NBPF9: variants seen among roughly 807,000 people sequenced by gnomAD.
The protein encoded by NBPF9 is NBPF member 9.
Under a neutral mutation model 97.8 loss-of-function variants are expected in NBPF9, and 91 were observed. The ratio of observed to expected loss-of-function variants is 0.93; its 90% CI spans 0.79 to 1.11. The LOEUF is 1.11. Among genes scored for constraint, NBPF9 ranks in the 50% least tolerant of loss-of-function variants. The probability of loss-of-function intolerance (pLI) is 0.00; values close to 1 mark genes in which losing one functional copy is unlikely to be tolerated. For missense variants in NBPF9, 992 were observed against 939.5 expected (o/e 1.06, Z -0.73); for synonymous variants, 334 against 359.5 (o/e 0.93, Z 0.80).
chr1:149,077,435 G>C lies in NBPF9; in HGVS notation c.567-16C>G. On this transcript the variant is annotated splice_polypyrimidine_tract_variant and intron_variant, in intron 10 of 29. Coordinates refer to ENST00000584027, the Ensembl canonical transcript of NBPF9. ...CTGCACCTCCCTGATGAGCCAGGTGGGACAGAGATGACAGAAGATTAAACA... is the reference window on the plus strand; with the variant it reads ...CTGCACCTCCCTGATGAGCCAGGTGCGACAGAGATGACAGAAGATTAAACA... 6.2e-7 allele frequency: 1 copy of C among 1,607,446 alleles called. No individual in the cohort carries two copies. Among genetic ancestry groups the C allele is most frequent in the East Asian group, 2.2e-5 (1 of 44,858 alleles).
At position 149,055,908 on chromosome 1, in the gene NBPF9, G is replaced by T. The variant is rs74899532; in HGVS notation, c.3093-9C>A. On this transcript the variant is annotated splice_polypyrimidine_tract_variant and intron_variant, in intron 29 of 29. Coordinates refer to ENST00000584027, the Ensembl canonical transcript of NBPF9. Reference sequence around the variant, plus strand: ...TCAGCACGCCGTTGAGCCTGGAAAAGGAGACAAAACTAAAGAAGCAGCCAG... The same window carrying T: ...TCAGCACGCCGTTGAGCCTGGAAAATGAGACAAAACTAAAGAAGCAGCCAG... 11 of 1,611,540 alleles carry T rather than the reference G, an allele frequency of 6.8e-6. No homozygotes were observed. The highest frequency in any genetic ancestry group is 2.2e-5 in the South Asian group (2 of 90,932).
chr1:149,100,816 T>C (rs868953576), intron 3 of NBPF9, among the ~76,000 whole-genome samples: 2 of 151,464 alleles, frequency 1.3e-5, no homozygotes, highest in East Asian at 2.0e-4. Flanking sequence ...ACTCCTATAG[T>C]CGCAGCTACT....
chr1:149,071,995 G>A (rs1354209347), intron 14 of NBPF9, among the ~76,000 whole-genome samples: 4 of 147,122 alleles, frequency 2.7e-5, no homozygotes, highest in African/African-American at 1.0e-4. Flanking sequence ...TGATTCCCAG[G>A]CACAGGCTTG....
chr1:149,053,562 T>C (rs1280682593), downstream of NBPF9, among the ~76,000 whole-genome samples: 53 of 147,154 alleles, frequency 3.6e-4, no homozygotes, highest in African/African-American at 1.3e-3. Context: ...CACTTTTGAA[T>C]AGCTCATGAG....
At chr1:149,099,919 C>T (rs1369678603) in intron 3 of NBPF9, among the ~76,000 whole-genome samples, 7 of 148,962 alleles carry the variant, frequency 4.7e-5, no homozygotes, top group African/African-American at 7.3e-5. Context: ...GAGGTCAAGG[C>T]TGCAGAGACC....
intron 19 of NBPF9, among the ~76,000 whole-genome samples, 188 bp from the exon 20 acceptor site, chr1:149,063,993 G>C (rs1278027844): frequency 1.9e-5 from 2 of 107,040 alleles, no homozygotes; most frequent in Non-Finnish European, 3.8e-5. Flanking sequence ...GAAAGAGAAA[G>C]ACACACACAC....
At chr1:149,075,862 G>A (rs2079822194) in exon 12 of NBPF9, 2 of 1,165,604 alleles carry the variant, frequency 1.7e-6, no homozygotes, top group Non-Finnish European at 2.6e-6. Context: ...GTGGGGCCAG[G>A]GACTGGGGAG....
chr1:149,061,301 C>G (rs1177087544), intron 23 of NBPF9, 31 bp downstream of exon 23: 1 of 404,582 alleles, frequency 2.5e-6, no homozygotes, highest in Admixed American at 3.8e-5. Context: ...GATGTCAACA[C>G]AGAAGTAGCT....
At chr1:149,076,505 ATTT>A (rs587753430) in intron 11 of NBPF9, among the ~76,000 whole-genome samples, 3 of 122,934 alleles carry the variant, frequency 2.4e-5, no homozygotes, top group Admixed American at 1.6e-4. Context: ...CAGAGACTTT[ATTT>A]TTTTTTTTTT....
chr1:149,089,990 A>G (rs1222894233), intron 5 of NBPF9, among the ~76,000 whole-genome samples: 1 of 152,112 alleles, frequency 6.6e-6, no homozygotes, highest in Non-Finnish European at 1.5e-5. Flanking sequence ...AGAGCCCACA[A>G]GCCTCAGCCA....
At chr1:149,078,243 T>TCC (rs2080083751) in intron 9 of NBPF9, among the ~76,000 whole-genome samples, 1 of 148,002 alleles carries the variant, frequency 6.8e-6, no homozygotes, top group Admixed American at 6.8e-5. Context: ...GGCAGCTGTC[T>TCC]CCCCCATCCT....
intron 17 of NBPF9, chr1:149,065,971 C>G (rs1215259387): frequency 1.7e-6 from 1 of 579,730 alleles, no homozygotes; most frequent in South Asian, 2.0e-5. Flanking sequence ...TGTCTTGCAG[C>G]ACAGAGAACT....
exon 30 of NBPF9, chr1:149,054,654 C>T (rs1448545706): frequency 1.6e-4 from 23 of 148,354 alleles, no homozygotes; most frequent in African/African-American, 4.2e-4. Flanking sequence ...CTGACCTGTC[C>T]TCTATAAACA....
At chr1:149,081,927 A>G in intron 7 of NBPF9, 38 bp downstream of exon 7, 1 of 1,383,870 alleles carries the variant, frequency 7.2e-7, no homozygotes, top group Non-Finnish European at 1.0e-6. Flanking sequence ...ACAGGACATC[A>G]TTCATCACTT....
At chr1:149,068,099 C>A (rs1174512875) in intron 17 of NBPF9, among the ~76,000 whole-genome samples, 1 of 147,620 alleles carries the variant, frequency 6.8e-6, no homozygotes, top group Non-Finnish European at 1.5e-5. Context: ...CACCACCAGG[C>A]CTGCCTTACA....
chr1:149,093,426 C>A (rs1414245398), intron 4 of NBPF9, among the ~76,000 whole-genome samples: 22 of 152,030 alleles, frequency 1.4e-4, no homozygotes, highest in Non-Finnish European at 2.2e-4. Flanking sequence ...AGCACAGACC[C>A]TTTATGGGTG....
intron 27 of NBPF9, among the ~76,000 whole-genome samples, chr1:149,057,740 C>CAA (rs1575821130): frequency 2.5e-4 from 25 of 98,432 alleles, no homozygotes; most frequent in South Asian, 2.1e-3. Flanking sequence ...CACACACACA[C>CAA]ACACACACAC....
rs1266042775 is a variant in NBPF9 at position 149,097,883 on chromosome 1, G to A, written c.-337+555C>T. On this transcript the variant is annotated intron_variant, in intron 4 of 29. Coordinates refer to ENST00000584027, the Ensembl canonical transcript of NBPF9. ...CACAGGATTCTGGAATGGGAGATGG[G>A]AACGGCCTTCAAAAGTGGCCTCTCT... is the stretch of plus-strand genomic sequence containing the variant. 5.3e-5 allele frequency among the ~76,000 whole-genome samples: 8 copies of A among 152,182 alleles called. No individual in the cohort carries two copies. The East Asian group carries it at 1.2e-3, about 22-fold the overall frequency.
intron 16 of NBPF9, among the ~76,000 whole-genome samples, chr1:149,070,527 G>A (rs1197105094): frequency 1.3e-5 from 2 of 150,906 alleles, no homozygotes; most frequent in Admixed American, 6.6e-5. Context: ...AAAGCTGAGA[G>A]CAGTGAAGCC....
Sources: allele counts gnomAD v4.1 joint callset (sites outside exome capture counted in the v4.1 genomes callset), GRCh38; gene constraint gnomAD v4.1.1; transcripts MANE v1.5; gene names NCBI Gene and HGNC (gene_info 2026-07-23, HGNC 2026-07-21).